ENOX1: variants seen among roughly 807,000 people sequenced by gnomAD.
The protein encoded by ENOX1 is ecto-NOX disulfide-thiol exchanger 1, also known as candidate growth-related and time keeping constitutive hydroquinone (NADH) oxidase.
A neutral mutation model predicts 82.5 loss-of-function variants in ENOX1; 42 were observed. The ratio of observed to expected loss-of-function variants is 0.51; its 90% CI spans 0.40 to 0.66. ENOX1 has a LOEUF of 0.66. Among genes scored for constraint, ENOX1 ranks in the 30% least tolerant of loss-of-function variants. The pLI, the probability that ENOX1 is intolerant of heterozygous loss-of-function variation, is 0.00. For synonymous variants in ENOX1, 271 were observed against 282.2 expected (o/e 0.96, Z 0.40); for missense variants, 608 against 811.6 (o/e 0.75, Z 3.05).
chr13:43,638,436 C>T (rs2083494795), intron 2 of ENOX1, among the ~76,000 whole-genome samples: 1 of 151,894 alleles, frequency 6.6e-6, no homozygotes, highest in Non-Finnish European at 1.5e-5. Flanking sequence ...TAATATTTGA[C>T]CCCCTAATTC....
intron 2 of ENOX1, among the ~76,000 whole-genome samples, chr13:43,511,385 G>C (rs930061497): frequency 6.6e-5 from 10 of 152,090 alleles, no homozygotes; most frequent in Non-Finnish European, 1.2e-4. Context: ...TTATTTTATA[G>C]ATTAACTGCA....
At chr13:43,731,064 CAAAT>C (rs2089312167) in intron 1 of ENOX1, among the ~76,000 whole-genome samples, 1 of 152,074 alleles carries the variant, frequency 6.6e-6, no homozygotes, top group Non-Finnish European at 1.5e-5. Flanking sequence ...TAATGTATGC[CAAAT>C]AAATGTCTAC....
intron 1 of ENOX1, among the ~76,000 whole-genome samples, chr13:43,673,087 A>C (rs2085342673): frequency 1.3e-5 from 2 of 152,070 alleles, no homozygotes; most frequent in African/African-American, 4.8e-5. Context: ...TCAATAAGCA[A>C]TGGCTTACAG....
chr13:43,752,938 C>A (rs550434329), intron 1 of ENOX1, among the ~76,000 whole-genome samples: 3 of 151,848 alleles, frequency 2.0e-5, no homozygotes, highest in East Asian at 3.9e-4. Context: ...CGGCTCACTG[C>A]GACCTCTGCC....
intron 12 of ENOX1, among the ~76,000 whole-genome samples, chr13:43,292,798 T>C (rs1236413531): frequency 6.7e-6 from 1 of 150,350 alleles, no homozygotes; most frequent in East Asian, 2.0e-4. Flanking sequence ...ATAGTCATCA[T>C]CCTCACCATA....
chr13:43,522,499 C>T (rs141839290), intron 2 of ENOX1, among the ~76,000 whole-genome samples: 9 of 152,208 alleles, frequency 5.9e-5, no homozygotes, highest in African/African-American at 2.2e-4. Context: ...AAGTGAGTTG[C>T]TAAAGTCACA....
intron 16 of ENOX1, among the ~76,000 whole-genome samples, chr13:43,220,741 T>TA (rs553851744): frequency 2.6e-4 from 40 of 152,270 alleles, no homozygotes; most frequent in African/African-American, 8.2e-4. Flanking sequence ...CTGTAATATC[T>TA]AAAAAACCCA....
At chr13:43,338,013 G>A (rs2048815461) in intron 9 of ENOX1, among the ~76,000 whole-genome samples, 1 of 152,180 alleles carries the variant, frequency 6.6e-6, no homozygotes, top group Non-Finnish European at 1.5e-5. Context: ...CTTCTGCACT[G>A]CTGCTGGCTT....
intron 2 of ENOX1, among the ~76,000 whole-genome samples, chr13:43,562,433 C>T (rs115670999): frequency 0.012 from 1,892 of 151,984 alleles, 27 homozygotes; most frequent in African/African-American, 0.038. Context: ...AAAAAAATCG[C>T]CTTCATTAAA....
rs531277476 is a variant in ENOX1, at chr13:43,269,845, T to C, written c.1447-268A>G. ...TATATTCCTTTGAGCAAATGCCTAT[T>C]TGTAAAACTATATAGGATAGTGCTA... On this transcript the variant is annotated intron_variant, in intron 12 of 16. Transcript: ENST00000690772. Among the ~76,000 whole-genome samples the C allele has an allele frequency of 2.6e-5, 4 of 152,346 alleles. No homozygotes were observed. The South Asian group carries it at 8.3e-4, about 32-fold the overall frequency.
chr13:43,220,589 A>G (rs978435640), intron 16 of ENOX1, among the ~76,000 whole-genome samples: 1 of 152,198 alleles, frequency 6.6e-6, no homozygotes, highest in Non-Finnish European at 1.5e-5. Flanking sequence ...GTACATGAAA[A>G]GCAGTGAATT....
intron 2 of ENOX1, among the ~76,000 whole-genome samples, chr13:43,534,818 T>C (rs1043696721): frequency 4.2e-4 from 64 of 152,288 alleles, no homozygotes; most frequent in African/African-American, 1.4e-3. Flanking sequence ...GGGGTGCTGC[T>C]AAATACCCAC....
intron 11 of ENOX1, among the ~76,000 whole-genome samples, chr13:43,307,426 G>C (rs904331633): frequency 1.5e-4 from 23 of 152,124 alleles, no homozygotes; most frequent in African/African-American, 4.3e-4. Context: ...AAGTTTCTAG[G>C]GTGATTCTGA....
chr13:43,247,860 T>C (rs1228748917), intron 14 of ENOX1, among the ~76,000 whole-genome samples: 4 of 3,952 alleles, frequency 1.0e-3, no homozygotes, highest in Non-Finnish European at 2.4e-3. Flanking sequence ...TATATATATA[T>C]ATATATATAT....
chr13:43,724,315 T>C (rs570530755), intron 1 of ENOX1, among the ~76,000 whole-genome samples: 9 of 152,184 alleles, frequency 5.9e-5, no homozygotes, highest in Admixed American at 2.6e-4. Context: ...GGACACAGAA[T>C]GCTGAGTTCA....
At chr13:43,545,046 T>C (rs755287712) in intron 2 of ENOX1, 2 of 152,172 alleles carry the variant, frequency 1.3e-5, no homozygotes, top group Non-Finnish European at 2.9e-5. Context: ...ACTCCATCCA[T>C]TGTTTTATCC....
chr13:43,492,442 AG>A (rs1365960426), intron 2 of ENOX1, among the ~76,000 whole-genome samples: 1 of 152,170 alleles, frequency 6.6e-6, no homozygotes, highest in Non-Finnish European at 1.5e-5. Context: ...ATACAACCAG[AG>A]GTCTTAAAAA....
At chr13:43,587,757 A>G (rs1478468394) in intron 2 of ENOX1, among the ~76,000 whole-genome samples, 1 of 152,234 alleles carries the variant, frequency 6.6e-6, no homozygotes, top group Non-Finnish European at 1.5e-5. Context: ...ATTTTTAAAC[A>G]TGTTATATAT....
chr13:43,215,383 A>G lies in ENOX1; in HGVS notation c.1801-1262T>C, dbSNP rs966352596. 4.2e-4 allele frequency among the ~76,000 whole-genome samples: 64 copies of G among 152,208 alleles called. 1 individual carries two copies. Among genetic ancestry groups the G allele is most frequent in the Non-Finnish European group, 4.4e-5 (3 of 68,038 alleles). On this transcript the variant is annotated intron_variant, in intron 16 of 16. Coordinates refer to ENST00000690772, the MANE Select transcript of ENOX1 (RefSeq NM_001347969.2). ...CTGAATGCATTTTCTGATACACACC[A>G]TATTAGATGGATGGTTAAATTCCCA...
Sources: allele counts gnomAD v4.1 joint callset (sites outside exome capture counted in the v4.1 genomes callset), GRCh38; gene constraint gnomAD v4.1.1; transcripts MANE v1.5; gene names NCBI Gene and HGNC (gene_info 2026-07-23, HGNC 2026-07-21).